Variants in DNAH6 observed in about 807,000 individuals in gnomAD.
DNAH6 encodes the protein dynein axonemal heavy chain 6, also known as axonemal beta dynein heavy chain 6.
A neutral mutation model predicts 491.4 loss-of-function variants in DNAH6; 340 were observed. The observed-to-expected ratio is 0.69, with a 90% CI of 0.63 to 0.76. The LOEUF (loss-of-function observed/expected upper bound fraction) is 0.76, where lower values mean the gene tolerates loss of function less well. Ranked by LOEUF, DNAH6 falls within the 30% of genes least tolerant of loss-of-function variation. The pLI is 0.00. For missense variants in DNAH6, 4,443 were observed against 4,972.2 expected (o/e 0.89, Z 3.20); for synonymous variants, 1,603 against 1,686.1 (o/e 0.95, Z 1.21).
chr2:84,604,600 G>A, intron 19 of DNAH6, 49 bp downstream of exon 19: 2 of 1,391,008 alleles, frequency 1.4e-6, no homozygotes, highest in Non-Finnish European at 2.0e-6. Context: ...GAATGTGAAA[G>A]TTTTCAGATT....
At chr2:84,576,977 T>G (rs1682508345) in intron 12 of DNAH6, among the ~76,000 whole-genome samples, 2 of 152,162 alleles carry the variant, frequency 1.3e-5, no homozygotes, top group Admixed American at 6.5e-5. Flanking sequence ...CAGACTAGAT[T>G]CTCTAATGCA....
rs540737586 is a variant in DNAH6, at chr2:84,696,522, G to A, written c.7525-1053G>A. ...AATTAGTTTACTTAAAACTTTAGGA[G>A]GGAACAAATGTCACAAGACACATAA... On this transcript the variant is annotated intron_variant, in intron 46 of 76. Transcript: ENST00000389394. 2.0e-5 allele frequency among the ~76,000 whole-genome samples: 3 copies of A among 151,918 alleles called. No individual in the cohort carries two copies. In the South Asian group the frequency reaches 6.2e-4, roughly 32 times the overall value.
chr2:84,807,888 C>T (rs1225190442), intron 71 of DNAH6, among the ~76,000 whole-genome samples: 1 of 152,166 alleles, frequency 6.6e-6, no homozygotes, highest in African/African-American at 2.4e-5. Context: ...ACCTCCTCCC[C>T]ACAGTCAACC....
At chr2:84,797,492 C>T (rs1478194532) in intron 69 of DNAH6, 45 bp from the exon 70 acceptor site, 3 of 1,530,410 alleles carry the variant, frequency 2.0e-6, no homozygotes, top group Middle Eastern at 3.4e-4. Flanking sequence ...CAGTACAAAG[C>T]CAGTCTATTT....
intron 64 of DNAH6, among the ~76,000 whole-genome samples, chr2:84,770,220 A>C (rs13414180): frequency 0.14 from 20,952 of 152,180 alleles, 1,600 homozygotes; most frequent in African/African-American, 0.21. Flanking sequence ...AAAGACAGCA[A>C]CAAGAAACCC....
intron 12 of DNAH6, among the ~76,000 whole-genome samples, chr2:84,576,906 G>A (rs541211115): frequency 1.3e-5 from 2 of 152,254 alleles, no homozygotes; most frequent in South Asian, 2.1e-4. Context: ...CACCATGTGG[G>A]AGAGAACATT....
At chr2:84,691,755 C>A (rs1694867643) in intron 45 of DNAH6, among the ~76,000 whole-genome samples, 1 of 152,152 alleles carries the variant, frequency 6.6e-6, no homozygotes. Flanking sequence ...AGGATTTTCA[C>A]ATATCATGAA....
intron 47 of DNAH6, 149 bp downstream of exon 47, chr2:84,697,876 C>T (rs754067144): frequency 4.9e-5 from 42 of 865,116 alleles, no homozygotes; most frequent in Non-Finnish European, 6.0e-5. Context: ...ATTTTATTTT[C>T]GGTGTTTAAA....
chr2:84,753,560 C>T (rs1673672095), intron 63 of DNAH6, among the ~76,000 whole-genome samples: 1 of 151,724 alleles, frequency 6.6e-6, no homozygotes, highest in Admixed American at 6.6e-5. Context: ...GAGTTCGAGA[C>T]CAGCCTGACC....
At position 84,706,922 on chromosome 2, in the gene DNAH6, C is replaced by A; in HGVS notation, c.8754C>A (p.Thr2918=). 1 of 1,543,954 alleles carries A rather than the reference C, an allele frequency of 6.5e-7. No homozygotes were observed. The highest frequency in any genetic ancestry group is 8.7e-7 in the Non-Finnish European group (1 of 1,145,526). The change falls in exon 53 of 77, where the codon ACC becomes ACA. Residue 2918 remains threonine, a synonymous_variant. Transcript: ENST00000389394. The part of the protein sequence containing the change: ...AQAELDITMA[T]LREKQALLRQ... ...CTGAACTTGACATTACCATGGCTAC[C>A]CTGAGAGAAAAGCAAGCATTACTAA...
At chr2:84,614,934 T>A (rs1029955774) in intron 22 of DNAH6, among the ~76,000 whole-genome samples, 4 of 152,186 alleles carry the variant, frequency 2.6e-5, no homozygotes, top group African/African-American at 9.6e-5. Flanking sequence ...CTTTGCCAGA[T>A]GTACAGATTC....
chr2:84,800,233 A>G (rs1289734138), intron 70 of DNAH6, among the ~76,000 whole-genome samples: 1 of 152,216 alleles, frequency 6.6e-6, no homozygotes, highest in Non-Finnish European at 1.5e-5. Flanking sequence ...CTCCAGGAAA[A>G]AAAAGAATAA....
chr2:84,482,755 G>C, the DNAH6 span, among the ~76,000 whole-genome samples: 2 of 152,296 alleles, frequency 1.3e-5, no homozygotes, highest in East Asian at 3.9e-4. Context: ...TGGTCAACTC[G>C]TTCTTATTGT....
chr2:84,726,712 A>G (rs1002736667), intron 60 of DNAH6, among the ~76,000 whole-genome samples: 1 of 152,190 alleles, frequency 6.6e-6, no homozygotes, highest in Non-Finnish European at 1.5e-5. Context: ...AACATGGCAC[A>G]TGTATACATA....
In DNAH6 at chr2:84,761,000, A is replaced by C. The variant is rs1448382911; in HGVS notation, c.10513-1755A>C. ...CCCAAAGGAAAGGAATCAATATATC[A>C]AAAAGATAATTGCACTCATATGTTT... is the stretch of plus-strand genomic sequence containing the variant. On this transcript the variant is annotated intron_variant, in intron 63 of 76. Coordinates refer to ENST00000389394, the MANE Select transcript of DNAH6 (RefSeq NM_001370.2). Among the ~76,000 whole-genome samples, 6 of 152,224 alleles carry C rather than the reference A, an allele frequency of 3.9e-5. No individual in the cohort carries two copies. In the South Asian group the frequency reaches 8.3e-4, roughly 21 times the overall value.
rs1220990288 is a variant in DNAH6 at position 84,676,907 on chromosome 2, G to A, written c.6613-98G>A. On this transcript the variant is annotated intron_variant, in intron 40 of 76. Coordinates refer to ENST00000389394, the MANE Select transcript of DNAH6 (RefSeq NM_001370.2). The stretch of plus-strand genomic sequence containing the variant: ...TCATTTAACATGCACAAAAAAAAAT[G>A]TAATGCAATGCTGGCATTTGGGAAG... 8 of 1,342,528 alleles carry A rather than the reference G, an allele frequency of 6.0e-6. No homozygotes were observed. In the African/African-American group the frequency reaches 8.8e-5, roughly 15 times the overall value. The allele number at this position is 1,342,528 out of a possible 1,614,324, so 83.2% of individuals were successfully genotyped here.
chr2:84,472,305 C>G, the DNAH6 span, among the ~76,000 whole-genome samples: 1 of 151,690 alleles, frequency 6.6e-6, no homozygotes, highest in Non-Finnish European at 1.5e-5. Context: ...GGGCAATATT[C>G]CGTTGTTGAA....
chr2:84,784,444 A>G (rs542837840), intron 65 of DNAH6, among the ~76,000 whole-genome samples: 2 of 152,334 alleles, frequency 1.3e-5, no homozygotes, highest in East Asian at 3.9e-4. Flanking sequence ...AAGGCCCTTA[A>G]TAGTTCAGCA....
intron 33 of DNAH6, among the ~76,000 whole-genome samples, chr2:84,648,550 C>T (rs989489177): frequency 2.6e-5 from 4 of 152,144 alleles, no homozygotes; most frequent in African/African-American, 9.7e-5. Flanking sequence ...TTGATTCCAA[C>T]CCTCATGGAT....
Sources: allele counts gnomAD v4.1 joint callset (sites outside exome capture counted in the v4.1 genomes callset), GRCh38; gene constraint gnomAD v4.1.1; transcripts MANE v1.5; gene names NCBI Gene and HGNC (gene_info 2026-07-23, HGNC 2026-07-21).